Variants in PIKFYVE observed in about 807,000 individuals in gnomAD.
The protein encoded by PIKFYVE is phosphoinositide kinase, FYVE-type zinc finger containing.
Under a neutral mutation model 257.9 loss-of-function variants are expected in PIKFYVE, and 122 were observed. The observed-to-expected ratio is 0.47, with a 90% CI of 0.41 to 0.55. The LOEUF (loss-of-function observed/expected upper bound fraction) is 0.55, where lower values mean the gene tolerates loss of function less well. PIKFYVE is among the 20% of genes least tolerant of loss of function. The probability of loss-of-function intolerance (pLI) is 0.00; values close to 1 mark genes in which losing one functional copy is unlikely to be tolerated. For missense variants in PIKFYVE, 2,160 were observed against 2,536.6 expected (o/e 0.85, Z 3.19); for synonymous variants, 892 against 868.9 (o/e 1.03, Z -0.47).
chr2:208,324,944 G>A lies in PIKFYVE; in HGVS notation c.2365G>A (p.Gly789Ser). Residue 789 changes from glycine to serine, a missense_variant, in exon 19 of 42, where the codon GGT (glycine) becomes AGT (serine). By Grantham distance (56) the Gly-to-Ser change is moderately conservative (BLOSUM62 0). Transcript: ENST00000264380. ...VLERISRMTQGDLVMSMDQLL... is the reference protein window; with the variant it reads ...VLERISRMTQSDLVMSMDQLL... ...GGAACGAATCAGTCGAATGACCCAA[G>A]GTGATTTAGTGATGTCAATGGACCA... 5.0e-6 allele frequency: 8 copies of A among 1,614,034 alleles called. No homozygotes were observed. The highest frequency in any genetic ancestry group is 6.8e-6 in the Non-Finnish European group (8 of 1,179,942).
At chr2:208,348,599 AGTGTGTGTGTGTGTGTGTGTGT>A (rs35997291) in intron 35 of PIKFYVE, among the ~76,000 whole-genome samples, 2 of 128,986 alleles carry the variant, frequency 1.6e-5, no homozygotes, top group African/African-American at 3.0e-5. Context: ...AAAAAAAAAA[AGTGTGTGTGTGTGTGTGTGTGT>A]GTGTGTGTGT....
chr2:208,313,141 C>CT (rs1695109018), intron 13 of PIKFYVE, among the ~76,000 whole-genome samples: 1 of 152,100 alleles, frequency 6.6e-6, no homozygotes, highest in Non-Finnish European at 1.5e-5. Context: ...GTTTGTTTTG[C>CT]TTTTAAGAGG....
In PIKFYVE at chr2:208,274,145, A is replaced by G. The variant is rs542285641; in HGVS notation, c.322+412A>G. On this transcript the variant is annotated intron_variant, in intron 3 of 41. Transcript: ENST00000264380. The stretch of plus-strand genomic sequence containing the variant: ...TGCCTCTGGCTGCAGAACTCTGTCA[A>G]CTCCATTATTGGGCTGCCACTTGCT... 46 of 1,372,032 alleles carry G rather than the reference A, an allele frequency of 3.4e-5. 1 individual carries two copies. Among genetic ancestry groups the G allele is most frequent in the South Asian group, 3.1e-4 (25 of 81,294 alleles). The allele number at this position is 1,372,032 out of a possible 1,614,324, so 85.0% of individuals were successfully genotyped here.
At chr2:208,317,336 T>C (rs1483544792) in intron 15 of PIKFYVE, among the ~76,000 whole-genome samples, 1 of 151,834 alleles carries the variant, frequency 6.6e-6, no homozygotes, top group East Asian at 1.9e-4. Flanking sequence ...AACAGACACT[T>C]CTCAAAAGAA....
chr2:208,345,467 T>A (rs1337760967), intron 33 of PIKFYVE, among the ~76,000 whole-genome samples: 4 of 152,126 alleles, frequency 2.6e-5, no homozygotes, highest in Non-Finnish European at 4.4e-5. Flanking sequence ...TGAAAAGGTG[T>A]TTTTATTTAA....
At chr2:208,269,502 C>T (rs1689129998) in intron 1 of PIKFYVE, 2 of 255,366 alleles carry the variant, frequency 7.8e-6, no homozygotes, top group Non-Finnish European at 1.7e-5. Flanking sequence ...CCTTGACTAA[C>T]ACATGAAGCC....
rs1224947767 is a variant in PIKFYVE, at chr2:208,351,460, A to C, written c.5715+5A>C. ...ACAAATGCTGTTCAACAAAAGGTAG[A>C]AATCTAAAACCATGGTCTGTAATCA... On this transcript the variant is annotated splice_donor_5th_base_variant and intron_variant, in intron 38 of 41. Transcript: ENST00000264380. 4 of 1,596,430 alleles carry C rather than the reference A, an allele frequency of 2.5e-6. No homozygotes were observed. The highest frequency in any genetic ancestry group is 2.2e-5 in the East Asian group (1 of 44,802).
intron 1 of PIKFYVE, among the ~76,000 whole-genome samples, chr2:208,266,702 C>T (rs1688677691): frequency 6.6e-6 from 1 of 152,236 alleles, no homozygotes; most frequent in Non-Finnish European, 1.5e-5. Flanking sequence ...TCTCTCTCGA[C>T]CCTTACGCCT....
chr2:208,285,934 G>A lies in PIKFYVE; in HGVS notation c.821+1G>A, dbSNP rs374101633. 6.2e-7 allele frequency: 1 copy of A among 1,612,686 alleles called. No individual in the cohort carries two copies. Among genetic ancestry groups the A allele is most frequent in the Non-Finnish European group, 8.5e-7 (1 of 1,178,832 alleles). On this transcript the variant is annotated splice_donor_variant, in intron 6 of 41. Coordinates refer to ENST00000264380, the MANE Select transcript of PIKFYVE (RefSeq NM_015040.4). LOFTEE classifies it high-confidence loss of function. ...TAGAGGATGATTTGGCCTGGCAAAGGTATTGTCCCTTAAATATAATTTTAT... is the reference window on the plus strand; with the variant it reads ...TAGAGGATGATTTGGCCTGGCAAAGATATTGTCCCTTAAATATAATTTTAT...
In PIKFYVE at chr2:208,317,832, A is replaced by G. The variant is rs747420450; in HGVS notation, c.2008-35A>G. The G allele has an allele frequency of 2.6e-6, 4 of 1,535,836 alleles. No homozygotes were observed. In the East Asian group the frequency reaches 9.0e-5, roughly 35 times the overall value. ...CTAACTAGATTCTAAGCATGTTATC[A>G]TTGAATTTTATTGTTTTCTTAATTG... On this transcript the variant is annotated intron_variant, in intron 15 of 41. Transcript: ENST00000264380.
At chr2:208,313,877 G>A (rs536197086) in intron 13 of PIKFYVE, among the ~76,000 whole-genome samples, 4 of 152,098 alleles carry the variant, frequency 2.6e-5, no homozygotes, top group South Asian at 4.1e-4. Flanking sequence ...GCTACCACGC[G>A]CGGCCCAGTT....
chr2:208,288,473 A>G (rs906807013), intron 6 of PIKFYVE, among the ~76,000 whole-genome samples: 2 of 152,208 alleles, frequency 1.3e-5, no homozygotes, highest in African/African-American at 4.8e-5. Flanking sequence ...CACCCATCCA[A>G]CTAACTTTAT....
Position 208,277,605 on chromosome 2 carries a change from A to G in PIKFYVE, c.510A>G (p.Lys170=). 2 of 1,613,958 alleles carry G rather than the reference A, an allele frequency of 1.2e-6. No homozygotes were observed. The highest frequency in any genetic ancestry group is 1.7e-6 in the Non-Finnish European group (2 of 1,179,838). Residue 170 remains lysine, a synonymous_variant, in exon 5 of 42, where the codon AAA becomes AAG. Transcript: ENST00000264380. The part of the protein sequence containing the change: ...QCKECYDCSE[K]FTTFRRRHHC... ...AAGAGTGCTATGACTGTAGTGAGAA[A>G]TTTACAACCTTTAGGCGCAGACACC...
chr2:208,271,809 G>C (rs1486961948), intron 2 of PIKFYVE, 118 bp downstream of exon 2: 1 of 973,956 alleles, frequency 1.0e-6, no homozygotes, highest in Non-Finnish European at 1.5e-6. Context: ...CTTTAATGCT[G>C]GGTCTGTAAG....
At position 208,325,837 on chromosome 2, in the gene PIKFYVE, A is replaced by G; in HGVS notation, c.3026A>G (p.Lys1009Arg). Reference protein sequence around the residue: ...LQQTVVLQDPKSQIRAFRDPL... With the variant: ...LQQTVVLQDPRSQIRAFRDPL... Reference sequence around the variant, plus strand: ...CAAACAGTTGTGCTGCAGGATCCCAAAAGCCAGATAAGAGCCTTTAGAGAC... The same window carrying G: ...CAAACAGTTGTGCTGCAGGATCCCAGAAGCCAGATAAGAGCCTTTAGAGAC... Residue 1009 changes from lysine (K) to arginine (R), a missense_variant, in exon 20 of 42, where the codon AAA (lysine) becomes AGA (arginine). By Grantham distance (26) the Lys-to-Arg change is conservative. Coordinates refer to ENST00000264380, the MANE Select transcript of PIKFYVE (RefSeq NM_015040.4). 6.2e-7 allele frequency: 1 copy of G among 1,614,104 alleles called. No homozygotes were observed. Among genetic ancestry groups the G allele is most frequent in the Admixed American group, 1.7e-5 (1 of 60,008 alleles).
At chr2:208,330,044 T>C (rs1464817218) in intron 22 of PIKFYVE, 131 bp downstream of exon 22, 5 of 1,247,932 alleles carry the variant, frequency 4.0e-6, no homozygotes, top group Non-Finnish European at 5.5e-6. Context: ...CATATCAGAG[T>C]ATATCATTCA....
intron 20 of PIKFYVE, among the ~76,000 whole-genome samples, chr2:208,327,778 A>C (rs1559136075): frequency 6.6e-6 from 1 of 152,212 alleles, no homozygotes; most frequent in Admixed American, 6.5e-5. Context: ...TAATGATCAA[A>C]AACAGCCATA....
intron 1 of PIKFYVE, among the ~76,000 whole-genome samples, chr2:208,270,632 T>C (rs565531819): frequency 7.2e-5 from 11 of 152,218 alleles, no homozygotes; most frequent in Non-Finnish European, 1.6e-4. Flanking sequence ...TCATAGGTCA[T>C]GAAGTGTAGC....
intron 17 of PIKFYVE, among the ~76,000 whole-genome samples, chr2:208,323,115 T>TTAG (rs1425077417): frequency 6.6e-6 from 1 of 150,848 alleles, no homozygotes; most frequent in Non-Finnish European, 1.5e-5. Flanking sequence ...TTTATTATTA[T>TTAG]TAGTAGTAGT....
Sources: gnomAD v4.1 joint callset for allele counts (sites outside exome capture counted in the v4.1 genomes callset) on GRCh38, gnomAD v4.1.1 for gene constraint, MANE v1.5 for transcripts, NCBI Gene and HGNC (gene_info 2026-07-23, HGNC 2026-07-21) for gene names.